CCSER1: variants seen among roughly 807,000 people sequenced by gnomAD.
CCSER1 encodes the protein serine-rich coiled-coil domain-containing protein 1.
Under a neutral mutation model 82.0 loss-of-function variants are expected in CCSER1, and 41 were observed. The ratio of observed to expected loss-of-function variants is 0.50; its 90% confidence interval spans 0.39 to 0.65. The LOEUF is 0.65. Ranked by LOEUF, CCSER1 falls within the 30% of genes least tolerant of loss-of-function variation. CCSER1 has a pLI of 0.00. For synonymous variants in CCSER1, 414 were observed against 383.9 expected (o/e 1.08, Z -0.92); for missense variants, 1,119 against 1,064.2 (o/e 1.05, Z -0.72).
chr4:90,263,512 A>G (rs1008139360), intron 1 of CCSER1, among the ~76,000 whole-genome samples: 13 of 152,214 alleles, frequency 8.5e-5, no homozygotes, highest in African/African-American at 2.9e-4. Flanking sequence ...TCATGTGGAC[A>G]GACTCAGGAC....
intron 5 of CCSER1, among the ~76,000 whole-genome samples, chr4:90,615,820 T>C (rs1017758908): frequency 5.9e-5 from 9 of 152,114 alleles, no homozygotes; most frequent in African/African-American, 1.9e-4. Context: ...GATACGAAGT[T>C]TGAAAGAAGT....
chr4:90,410,613 G>A (rs1380974137), intron 4 of CCSER1, among the ~76,000 whole-genome samples: 4 of 152,044 alleles, frequency 2.6e-5, no homozygotes, highest in African/African-American at 9.7e-5. Context: ...GAGCATCTCT[G>A]GGACACATTC....
chr4:90,622,664 C>T (rs1050352260), intron 5 of CCSER1, among the ~76,000 whole-genome samples: 2 of 152,060 alleles, frequency 1.3e-5, no homozygotes, highest in East Asian at 1.9e-4. Flanking sequence ...TCCAGTCTAT[C>T]GTTGATGGAC....
chr4:91,518,899 G>T (rs956528463), intron 10 of CCSER1, among the ~76,000 whole-genome samples: 5 of 152,178 alleles, frequency 3.3e-5, no homozygotes, highest in African/African-American at 4.8e-5. Context: ...AAGAGTGGGG[G>T]TTAGGCTTTC....
chr4:91,258,424 G>A (rs1402187300), intron 10 of CCSER1, among the ~76,000 whole-genome samples: 2 of 151,934 alleles, frequency 1.3e-5, no homozygotes, highest in African/African-American at 4.8e-5. Context: ...CCAAAGCTAT[G>A]CTTCCTGCAT....
intron 9 of CCSER1, among the ~76,000 whole-genome samples, chr4:91,059,143 T>C (rs962014840): frequency 6.6e-6 from 1 of 151,972 alleles, no homozygotes; most frequent in Non-Finnish European, 1.5e-5. Flanking sequence ...CAACCACCCT[T>C]GATAACATAC....
intron 8 of CCSER1, among the ~76,000 whole-genome samples, chr4:90,886,348 C>A (rs1436097025): frequency 6.6e-6 from 1 of 152,042 alleles, no homozygotes; most frequent in African/African-American, 2.4e-5. Context: ...TCAGTCTTTT[C>A]TTATCATGGA....
Position 91,508,853 on chromosome 4 carries a change from G to T in CCSER1, c.2218-89719G>T, listed in dbSNP as rs1759671484. 1.3e-5 allele frequency among the ~76,000 whole-genome samples: 2 copies of T among 151,466 alleles called. 1 individual carries two copies. Among genetic ancestry groups the T allele is most frequent in the Admixed American group, 1.3e-4 (2 of 15,184 alleles). On this transcript the variant is annotated intron_variant, in intron 10 of 10. Transcript: ENST00000509176. ...TCTTTTGGGGAGTTTGTCCATTTTA[G>T]CTATATTACCTAATATTGGTATATG...
intron 3 of CCSER1, among the ~76,000 whole-genome samples, chr4:90,383,915 T>A (rs1388921042): frequency 1.3e-5 from 2 of 151,578 alleles, no homozygotes; most frequent in Non-Finnish European, 2.9e-5. Context: ...TATTTTAAAT[T>A]TTTTATTTAT....
rs555033302 is a variant in CCSER1, at chr4:91,350,747, T to C, written c.2218-247825T>C. Among the ~76,000 whole-genome samples the C allele has an allele frequency of 2.0e-4, 30 of 152,194 alleles. 1 individual carries two copies. The highest frequency in any genetic ancestry group is 7.2e-4 in the Admixed American group (11 of 15,288). ...AAAATATTAAGAATATTAATAAATG[T>C]ATAATTTTTGGCAAATTCTAGACTT... On this transcript the variant is annotated intron_variant, in intron 10 of 10. Transcript: ENST00000509176.
intron 10 of CCSER1, among the ~76,000 whole-genome samples, chr4:91,401,141 C>A (rs1039660408): frequency 4.6e-5 from 7 of 151,666 alleles, no homozygotes; most frequent in Non-Finnish European, 8.8e-5. Flanking sequence ...TTCATTACCT[C>A]ACGTGCCCAT....
In CCSER1 at chr4:90,804,963, T is replaced by C. The variant is rs140164423; in HGVS notation, c.2011-10799T>C. On this transcript the variant is annotated intron_variant, in intron 7 of 10. Coordinates refer to ENST00000509176, the MANE Select transcript of CCSER1 (RefSeq NM_001145065.2). ...TTGAAATGAGCTATTTGAAAATCATTGCAAATATAATTTAAATCACAAAAA... is the reference window on the plus strand; with the variant it reads ...TTGAAATGAGCTATTTGAAAATCATCGCAAATATAATTTAAATCACAAAAA... Among the ~76,000 whole-genome samples, 5 of 152,312 alleles carry C rather than the reference T, an allele frequency of 3.3e-5. No homozygotes were observed. The East Asian group carries it at 9.6e-4, about 29-fold the overall frequency.
chr4:90,458,258 C>A (rs114796575), intron 4 of CCSER1, among the ~76,000 whole-genome samples: 3,692 of 152,224 alleles, frequency 0.024, 141 homozygotes, highest in African/African-American at 0.085. Context: ...TGGAGTGCAC[C>A]GCCCCAGCTA....
At chr4:91,360,683 A>C (rs17018388) in intron 10 of CCSER1, among the ~76,000 whole-genome samples, 42,071 of 151,600 alleles carry the variant, frequency 0.28, 6,623 homozygotes, top group Middle Eastern at 0.43. Context: ...GATGTAGAAG[A>C]AGGTTTATGG....
chr4:90,966,831 G>A (rs1341028389), intron 9 of CCSER1, among the ~76,000 whole-genome samples: 3 of 152,006 alleles, frequency 2.0e-5, no homozygotes, highest in African/African-American at 7.3e-5. Flanking sequence ...AATCCAGATT[G>A]ACCTACAGAT....
chr4:90,861,175 A>G (rs1430147929), intron 8 of CCSER1, among the ~76,000 whole-genome samples: 2 of 151,830 alleles, frequency 1.3e-5, no homozygotes, highest in East Asian at 3.9e-4. Context: ...ATTTTTCAAA[A>G]GCAGAAAAAG....
At chr4:90,316,646 G>A (rs183672549) in intron 3 of CCSER1, among the ~76,000 whole-genome samples, 2 of 152,260 alleles carry the variant, frequency 1.3e-5, no homozygotes, top group East Asian at 3.9e-4. Context: ...CATTAATGCA[G>A]CCCTTCATGT....
At chr4:90,587,456 A>C (rs1197267393) in intron 5 of CCSER1, among the ~76,000 whole-genome samples, 1 of 152,116 alleles carries the variant, frequency 6.6e-6, no homozygotes, top group Non-Finnish European at 1.5e-5. Context: ...CTAAAAATAC[A>C]AAAATTAGCC....
chr4:91,035,600 T>G (rs1741365831), intron 9 of CCSER1, among the ~76,000 whole-genome samples: 2 of 152,120 alleles, frequency 1.3e-5, no homozygotes, highest in Admixed American at 6.6e-5. Context: ...TTTCATATTT[T>G]AAAAAATTTT....
Sources: gnomAD v4.1 joint callset for allele counts (sites outside exome capture counted in the v4.1 genomes callset) on GRCh38, gnomAD v4.1.1 for gene constraint, MANE v1.5 for transcripts, NCBI Gene and HGNC (gene_info 2026-07-23, HGNC 2026-07-21) for gene names.